The following ADGRV1 variants were observed in gnomAD, a reference collection of about 807,000 sequenced individuals.
The protein encoded by ADGRV1 is adhesion G protein-coupled receptor V1.
Under a neutral mutation model 596.2 loss-of-function variants are expected in ADGRV1, and 359 were observed. The ratio of observed to expected loss-of-function variants is 0.60; its 90% CI spans 0.55 to 0.66. The LOEUF is 0.66. Among genes scored for constraint, ADGRV1 ranks in the 30% least tolerant of loss-of-function variants. ADGRV1 has a pLI of 0.00. For synonymous variants in ADGRV1, 2,681 were observed against 2,679.2 expected (o/e 1.00, Z -0.02); for missense variants, 7,274 against 7,575.6 (o/e 0.96, Z 1.48).
chr5:91,160,683 A>G (rs972293014), intron 89 of ADGRV1, among the ~76,000 whole-genome samples: 4 of 152,220 alleles, frequency 2.6e-5, no homozygotes. Context: ...TCAGAAAATC[A>G]GGATACTTAC....
intron 87 of ADGRV1, among the ~76,000 whole-genome samples, chr5:91,145,187 A>G (rs927318739): frequency 3.3e-5 from 5 of 151,966 alleles, no homozygotes; most frequent in Non-Finnish European, 7.4e-5. Context: ...GTATATTTCT[A>G]TGCTTTTAAG....
intron 1 of ADGRV1, among the ~76,000 whole-genome samples, chr5:90,592,286 A>G (rs1302128187): frequency 6.6e-6 from 1 of 152,372 alleles, no homozygotes; most frequent in Non-Finnish European, 1.5e-5. Context: ...CAGCCATAAA[A>G]AGGAATGAAA....
chr5:91,159,266 C>T (rs895011970), intron 89 of ADGRV1, among the ~76,000 whole-genome samples: 1 of 152,156 alleles, frequency 6.6e-6, no homozygotes, highest in Non-Finnish European at 1.5e-5. Context: ...TCTTTACAAG[C>T]ATTTACAAAT....
intron 89 of ADGRV1, among the ~76,000 whole-genome samples, chr5:91,154,607 C>T (rs942212204): frequency 6.6e-6 from 1 of 152,176 alleles, no homozygotes; most frequent in Admixed American, 6.5e-5. Context: ...CTGTATTAGT[C>T]CATTCTCACA....
intron 87 of ADGRV1, among the ~76,000 whole-genome samples, chr5:91,115,751 A>C (rs1043729677): frequency 2.6e-5 from 4 of 152,232 alleles, no homozygotes; most frequent in Non-Finnish European, 5.9e-5. Flanking sequence ...GCTCGAGGCC[A>C]GTCTGGCTAA....
At chr5:90,617,593 C>A in intron 2 of ADGRV1, 1 of 415,640 alleles carries the variant, frequency 2.4e-6, no homozygotes, top group Non-Finnish European at 4.4e-6. Flanking sequence ...CAGTAGTGAG[C>A]CACTGCGCCT....
intron 86 of ADGRV1, among the ~76,000 whole-genome samples, chr5:91,084,584 T>C (rs1290106269): frequency 6.6e-6 from 1 of 152,112 alleles, no homozygotes; most frequent in African/African-American, 2.4e-5. Flanking sequence ...AAAGAACAGG[T>C]GCTGGAGAGG....
chr5:90,939,722 C>T (rs1776012445), intron 83 of ADGRV1, among the ~76,000 whole-genome samples: 1 of 151,964 alleles, frequency 6.6e-6, no homozygotes, highest in African/African-American at 2.4e-5. Flanking sequence ...CTTTTTTTTA[C>T]TTGACTTTAA....
chr5:90,644,319 T>G (rs550656925), intron 14 of ADGRV1, among the ~76,000 whole-genome samples: 1 of 152,298 alleles, frequency 6.6e-6, no homozygotes, highest in South Asian at 2.1e-4. Context: ...AAATGATAAA[T>G]AGTTTATTTT....
chr5:90,907,797 G>C (rs964914169), intron 83 of ADGRV1, among the ~76,000 whole-genome samples: 29 of 151,996 alleles, frequency 1.9e-4, no homozygotes, highest in Admixed American at 3.9e-4. Flanking sequence ...ACCTACCACA[G>C]TATCTGCTAG....
At chr5:91,150,285 G>A (rs910667063) in intron 88 of ADGRV1, 64 bp downstream of exon 88, 3 of 1,240,060 alleles carry the variant, frequency 2.4e-6, no homozygotes, top group Non-Finnish European at 3.2e-6. Flanking sequence ...CTCTCTGTCT[G>A]TCTCTCTCTC....
chr5:90,967,083 G>A (rs1370914964), intron 84 of ADGRV1, among the ~76,000 whole-genome samples: 1 of 152,144 alleles, frequency 6.6e-6, no homozygotes. Flanking sequence ...ACAGGCTCAA[G>A]GAAGGGTTGT....
chr5:91,123,739 A>T (rs1793520693), intron 87 of ADGRV1, among the ~76,000 whole-genome samples: 2 of 152,190 alleles, frequency 1.3e-5, no homozygotes, highest in Non-Finnish European at 2.9e-5. Context: ...GCTTCATTTA[A>T]ATCAGTTAAT....
Position 90,627,600 on chromosome 5 carries a change from T to G in ADGRV1, c.1062T>G (p.Ile354Met). Residue 354 changes from isoleucine to methionine, a missense_variant, in exon 7 of 90, where the codon ATT becomes ATG. Around this residue, in one of 5 missense-constraint regions of ADGRV1, gnomAD observed 1,715 missense variants for 1,708.8 expected, o/e 1.00. Coordinates refer to ENST00000405460, the MANE Select transcript of ADGRV1 (RefSeq NM_032119.4). ...FQIVDDTIPE[I>M]AESFHIMLLK... ...TAGTTGATGACACCATACCGGAGAT[T>G]GCTGAATCGTTTCACATTATGTTAC... 2 of 1,613,916 alleles carry G rather than the reference T, an allele frequency of 1.2e-6. No individual in the cohort carries two copies. The highest frequency in any genetic ancestry group is 1.7e-6 in the Non-Finnish European group (2 of 1,179,866).
At position 90,694,567 on chromosome 5, in the gene ADGRV1, C is replaced by A; in HGVS notation, c.7811C>A (p.Thr2604Asn). 1 of 1,613,850 alleles carries A rather than the reference C, an allele frequency of 6.2e-7. No homozygotes were observed. Among genetic ancestry groups the A allele is most frequent in the Non-Finnish European group, 8.5e-7 (1 of 1,179,808 alleles). Residue 2604 changes from threonine to asparagine, a missense_variant, in exon 33 of 90, where the codon ACC becomes AAC. Around this residue, in one of 5 missense-constraint regions of ADGRV1, gnomAD observed 3,643 missense variants for 3,809.2 expected, o/e 0.96. Coordinates refer to ENST00000405460, the MANE Select transcript of ADGRV1 (RefSeq NM_032119.4). ...GTTGAAGTTCAGGAGCAGCCCCAAA[C>A]CTTGGTGGAGCTGATGATACACAGG... ...LFVEVQEQPQ[T>N]LVELMIHRTG...
intron 87 of ADGRV1, among the ~76,000 whole-genome samples, chr5:91,137,741 A>G (rs781293631): frequency 7.9e-5 from 12 of 152,192 alleles, no homozygotes; most frequent in Non-Finnish European, 1.8e-4. Flanking sequence ...TAGAATTCCA[A>G]TCATTAGACT....
At chr5:90,844,046 A>G (rs571655162) in intron 78 of ADGRV1, among the ~76,000 whole-genome samples, 1 of 152,336 alleles carries the variant, frequency 6.6e-6, no homozygotes, top group East Asian at 1.9e-4. Flanking sequence ...TTTTTAGTAT[A>G]AGCATATTGC....
intron 28 of ADGRV1, among the ~76,000 whole-genome samples, chr5:90,684,522 C>T (rs1745355643): frequency 6.6e-6 from 1 of 152,094 alleles, no homozygotes; most frequent in Non-Finnish European, 1.5e-5. Flanking sequence ...AACAAACTGC[C>T]ATAAACTGGG....
chr5:90,583,501 C>T (rs1758340248), intron 1 of ADGRV1, among the ~76,000 whole-genome samples: 2 of 152,038 alleles, frequency 1.3e-5, no homozygotes, highest in South Asian at 4.1e-4. Flanking sequence ...TTTGGAAATT[C>T]CATTCCTACT....
Sources: gnomAD v4.1 joint callset for allele counts (sites outside exome capture counted in the v4.1 genomes callset) on GRCh38, gnomAD v4.1.1 for gene constraint, gnomAD v4.1.1 regional missense constraint, MANE v1.5 for transcripts, NCBI Gene and HGNC (gene_info 2026-07-23, HGNC 2026-07-21) for gene names.